Variants in EIF3A observed in about 807,000 individuals in gnomAD.
The protein encoded by EIF3A is eukaryotic translation initiation factor 3 subunit A.
In EIF3A, 21 loss-of-function variants were observed where a neutral mutation model predicts 186.6. The observed-to-expected ratio is 0.11, with a 90% CI of 0.08 to 0.16. The LOEUF is 0.16. Ranked by LOEUF, EIF3A falls within the 10% of genes least tolerant of loss-of-function variation. The probability of loss-of-function intolerance (pLI) is 1.00; values close to 1 mark genes in which losing one functional copy is unlikely to be tolerated. For missense variants in EIF3A, 1,306 were observed against 1,796.3 expected (o/e 0.73, Z 4.93); for synonymous variants, 563 against 584.3 (o/e 0.96, Z 0.52).
rs1011905818 is a variant in EIF3A, at chr10:119,065,495, C to A, written c.1026G>T (p.Leu342=). 3.1e-6 allele frequency: 5 copies of A among 1,613,150 alleles called. No homozygotes were observed. Among genetic ancestry groups the A allele is most frequent in the Non-Finnish European group, 4.2e-6 (5 of 1,179,312 alleles). ...TTTCAACTATAATGCCATCCATATC[C>A]AGAAGTCGAGCAATATCCGTACGCT... ...TPERTDIARL[L]DMDGIIVEKQ... Residue 342 remains leucine, a synonymous_variant, in exon 7 of 22, where the codon CTG becomes CTT. Coordinates refer to ENST00000369144, the MANE Select transcript of EIF3A (RefSeq NM_003750.4).
chr10:119,042,833 G>C lies in EIF3A; in HGVS notation c.2748-61C>G. The C allele has an allele frequency of 6.7e-7, 1 of 1,484,186 alleles. No individual in the cohort carries two copies. The highest frequency in any genetic ancestry group is 8.9e-7 in the Non-Finnish European group (1 of 1,120,966). The allele number at this position is 1,484,186 out of a possible 1,614,324, so 91.9% of individuals were successfully genotyped here. ...ATAAAAAAGCATATGATCCTTTGGG[G>C]ATTTTTTTTTTCACATGCTTTTTAA... On this transcript the variant is annotated intron_variant, in intron 18 of 21. Coordinates refer to ENST00000369144, the MANE Select transcript of EIF3A (RefSeq NM_003750.4). This position sits in a 1 kb window ranked among gnomAD's most constrained non-coding sequence, Gnocchi z 7.8.
At chr10:119,044,357 A>G (rs1460610916) in intron 17 of EIF3A, among the ~76,000 whole-genome samples, 2 of 152,170 alleles carry the variant, frequency 1.3e-5, no homozygotes, top group Non-Finnish European at 2.9e-5. Context: ...ACAAACCGAT[A>G]TAACACTGTG....
Position 119,042,653 on chromosome 10 carries a change from C to T in EIF3A, c.2867G>A (p.Arg956Gln), listed in dbSNP as rs1373174427. Residue 956 changes from arginine (R) to glutamine (Q), a missense_variant, in exon 19 of 22, where the codon CGG (arginine) becomes CAG (glutamine). By Grantham distance (43) the Arg-to-Gln change is conservative. Coordinates refer to ENST00000369144, the MANE Select transcript of EIF3A (RefSeq NM_003750.4). This position sits in a 1 kb window ranked among gnomAD's most constrained non-coding sequence, Gnocchi z 7.8. ...REPSLRPDDD[R>Q]VPRRGMDDDR... ...ATCATCCATGCCACGCCGGGGAACC[C>T]GATCATCGTCTGGTCTAAGAGAGGG... 1.9e-6 allele frequency: 3 copies of T among 1,614,072 alleles called. No individual in the cohort carries two copies. Among genetic ancestry groups the T allele is most frequent in the Non-Finnish European group, 1.7e-6 (2 of 1,180,050 alleles).
At chr10:119,043,867 C>A (rs998967235) in intron 18 of EIF3A, among the ~76,000 whole-genome samples, 187 bp downstream of exon 18, 1 of 152,160 alleles carries the variant, frequency 6.6e-6, no homozygotes, top group African/African-American at 2.4e-5. Flanking sequence ...GCCGAGATAG[C>A]GCCACTGCAC....
chr10:119,037,255 G>A lies in EIF3A; in HGVS notation c.3783C>T (p.Asp1261=). 1 of 1,614,094 alleles carries A rather than the reference G, an allele frequency of 6.2e-7. No individual in the cohort carries two copies. Among genetic ancestry groups the A allele is most frequent in the Non-Finnish European group, 8.5e-7 (1 of 1,180,024 alleles). The change falls in exon 21 of 22, where the codon GAC becomes GAT. Residue 1261 remains aspartate, a synonymous_variant. Coordinates refer to ENST00000369144, the MANE Select transcript of EIF3A (RefSeq NM_003750.4). ...TATCCCTATCGTCCCGGCGACTTGA[G>A]TCTCTCCAGCTTGAAGATTCCTCAG... is the stretch of plus-strand genomic sequence containing the variant. ...GPAEESSSWR[D]SSRRDDRDRD...
At position 119,034,210 on chromosome 10, in the gene EIF3A, CAG is replaced by C. The variant is rs1848097205; in HGVS notation, c.*1827_*1828del. ...GAGCAGGATCGCAAAGTAACAGCAT[CAG>C]ACTCTTCTGCCCTCCTCTTGCACTT... On this transcript the variant is annotated 3_prime_UTR_variant, in exon 22 of 22. Transcript: ENST00000369144. The C allele has an allele frequency of 6.0e-6, 1 of 167,102 alleles. No individual in the cohort carries two copies. Among genetic ancestry groups the C allele is most frequent in the Non-Finnish European group, 1.5e-5 (1 of 68,190 alleles). 10.4% of individuals were successfully genotyped at this position (167,102 alleles called of 1,614,324 possible). A position where few individuals can be genotyped will look rare whatever the true frequency, so the allele number is the denominator to read the frequency against.
chr10:119,068,344 C>G (rs956110570), intron 6 of EIF3A, among the ~76,000 whole-genome samples: 1 of 152,110 alleles, frequency 6.6e-6, no homozygotes, highest in Admixed American at 6.6e-5. Context: ...ATATTCTACA[C>G]TTAATATTTT....
At chr10:119,065,927 T>G (rs558447282) in intron 6 of EIF3A, among the ~76,000 whole-genome samples, 2 of 151,342 alleles carry the variant, frequency 1.3e-5, no homozygotes, top group Non-Finnish European at 2.9e-5. Context: ...CCATCCTGGC[T>G]AACACGGTGA....
chr10:119,067,726 T>C lies in EIF3A; in HGVS notation c.950+1720A>G, dbSNP rs549100299. On this transcript the variant is annotated intron_variant, in intron 6 of 21. Coordinates refer to ENST00000369144, the MANE Select transcript of EIF3A (RefSeq NM_003750.4). ...AAATAGTTTTACATAAGAAAGACAA[T>C]TTGCTTTACATAATTCTACTGGATA... 5.3e-5 allele frequency among the ~76,000 whole-genome samples: 8 copies of C among 152,314 alleles called. No individual in the cohort carries two copies. The South Asian group carries it at 1.7e-3, about 32-fold the overall frequency.
intron 17 of EIF3A, 90 bp downstream of exon 17, chr10:119,049,711 G>A (rs571290411): frequency 8.5e-7 from 1 of 1,181,372 alleles, no homozygotes; most frequent in Non-Finnish European, 1.2e-6. Context: ...CTCCAGCCTG[G>A]GCAACCTGGG....
Position 119,061,289 on chromosome 10 carries a change from T to G in EIF3A, c.1162A>C (p.Lys388Gln). ...ACTTCAAGCCAATTGTAAAGGTCTT[T>G]CACTTCTGGGACAACATATTGTAGT... ...NVLQYVVPEV[K>Q]DLYNWLEVEF... Residue 388 changes from lysine to glutamine, a missense_variant, in exon 8 of 22, where the codon AAA (lysine) becomes CAA (glutamine). By Grantham distance (53) the Lys-to-Gln change is moderately conservative. Around this residue, in one of 8 missense-constraint regions of EIF3A, gnomAD observed 267 missense variants for 367.8 expected, o/e 0.73. Coordinates refer to ENST00000369144, the MANE Select transcript of EIF3A (RefSeq NM_003750.4). The G allele has an allele frequency of 6.3e-7, 1 of 1,594,730 alleles. No homozygotes were observed. Among genetic ancestry groups the G allele is most frequent in the Non-Finnish European group, 8.6e-7 (1 of 1,167,068 alleles).
chr10:119,061,181 C>T, intron 8 of EIF3A, 43 bp downstream of exon 8: 3 of 1,155,362 alleles, frequency 2.6e-6, no homozygotes, highest in Non-Finnish European at 2.5e-6. Context: ...TGCAAGAAGG[C>T]CAACTCTGTG....
chr10:119,068,963 C>T (rs1327153510), intron 6 of EIF3A, among the ~76,000 whole-genome samples: 1 of 95,964 alleles, frequency 1.0e-5, no homozygotes, highest in Non-Finnish European at 1.9e-5. Context: ...ACAAAAGACT[C>T]TGTCTTGCAA....
chr10:119,070,111 G>A (rs1346556071), intron 5 of EIF3A, among the ~76,000 whole-genome samples: 1 of 151,986 alleles, frequency 6.6e-6, no homozygotes, highest in Non-Finnish European at 1.5e-5. Context: ...GCAAGAACAA[G>A]ACATCAAATC....
intron 14 of EIF3A, among the ~76,000 whole-genome samples, chr10:119,051,988 T>C (rs1343225258): frequency 1.3e-5 from 2 of 152,190 alleles, no homozygotes; most frequent in African/African-American, 4.8e-5. Context: ...TGCTGAATGA[T>C]CAGCATGGCA....
chr10:119,045,516 C>G (rs926211636), intron 17 of EIF3A, among the ~76,000 whole-genome samples: 2 of 152,164 alleles, frequency 1.3e-5, no homozygotes, highest in Non-Finnish European at 2.9e-5. Flanking sequence ...AAGCTTCTCC[C>G]ACCCCCATGC....
intron 6 of EIF3A, among the ~76,000 whole-genome samples, chr10:119,066,245 A>T (rs558388184): frequency 1.3e-5 from 2 of 152,230 alleles, no homozygotes; most frequent in South Asian, 4.1e-4. Context: ...GCAGTGGCTC[A>T]CGCCTGTAAT....
chr10:119,060,883 T>C, intron 8 of EIF3A, 39 bp from the exon 9 acceptor site: 1 of 1,355,778 alleles, frequency 7.4e-7, no homozygotes. Flanking sequence ...TCACACTTTC[T>C]ACATAAGAGA....
chr10:119,045,137 A>AT (rs1848267175), intron 17 of EIF3A, among the ~76,000 whole-genome samples: 1 of 151,878 alleles, frequency 6.6e-6, no homozygotes, highest in African/African-American at 2.4e-5. Flanking sequence ...TAGAGATGGG[A>AT]TTTCAACATG....
Sources: allele counts gnomAD v4.1 joint callset (sites outside exome capture counted in the v4.1 genomes callset), GRCh38; gene constraint gnomAD v4.1.1; regional missense constraint gnomAD v4.1.1; non-coding constraint Gnocchi (gnomAD v3.1); transcripts MANE v1.5; gene names NCBI Gene and HGNC (gene_info 2026-07-23, HGNC 2026-07-21).